The following TRDN variants were observed in gnomAD, a reference collection of about 807,000 sequenced individuals.
The protein encoded by TRDN is triadin in skeletal muscle.
A neutral mutation model predicts 149.7 loss-of-function variants in TRDN; 161 were observed. The ratio of observed to expected loss-of-function variants is 1.08; its 90% confidence interval spans 0.95 to 1.23. The LOEUF (loss-of-function observed/expected upper bound fraction) is 1.23. TRDN is among the 50% of genes most tolerant of loss of function. The probability of loss-of-function intolerance (pLI) is 0.00; values close to 1 mark genes in which losing one functional copy is unlikely to be tolerated. For synonymous variants in TRDN, 294 were observed against 250.5 expected (o/e 1.17, Z -1.64); for missense variants, 896 against 823.5 (o/e 1.09, Z -1.08).
chr6:123,218,434 T>C lies in TRDN; in HGVS notation c.*167A>G. ...GACTTAGACCCTTAAACATGTCTGC[T>C]CATCACTCAATCCATTTGGCCACCC... On this transcript the variant is annotated 3_prime_UTR_variant, in exon 41 of 41. Transcript: ENST00000334268. 1.5e-6 allele frequency: 1 copy of C among 677,862 alleles called. No individual in the cohort carries two copies. Among genetic ancestry groups the C allele is most frequent in the South Asian group, 2.0e-5 (1 of 49,458 alleles). The allele number at this position is 677,862 out of a possible 1,614,324, so 42.0% of individuals were successfully genotyped here.
At position 123,377,687 on chromosome 6, in the gene TRDN, C is replaced by T. The variant is rs61396186; in HGVS notation, c.1246+29G>A. The T allele has an allele frequency of 2.8e-4, 447 of 1,612,498 alleles. No individual in the cohort carries two copies. In the African/African-American group the frequency reaches 4.9e-3, roughly 18 times the overall value. ...TTAATAAACACTGGACATGAGTATT[C>T]GGAATCCAGCAACAGTGGTCTTACT... On this transcript the variant is annotated intron_variant, in intron 18 of 40. Transcript: ENST00000334268.
At position 123,628,674 on chromosome 6, in the gene TRDN, T is replaced by C. The variant is rs192679352; in HGVS notation, c.22+8080A>G. On this transcript the variant is annotated intron_variant, in intron 1 of 40. Transcript: ENST00000334268. Reference sequence around the variant, plus strand: ...AAAGAGACATGGCTGCAATTCAAATTGGAATCAAATGTTTTATAATCTGTC... The same window carrying C: ...AAAGAGACATGGCTGCAATTCAAATCGGAATCAAATGTTTTATAATCTGTC... Among the ~76,000 whole-genome samples the C allele has an allele frequency of 1.2e-3, 183 of 152,270 alleles. 2 individuals are homozygous for C. In the East Asian group the frequency reaches 0.03, roughly 25 times the overall value.
chr6:123,571,075 G>T lies in TRDN; in HGVS notation c.80C>A (p.Ser27Tyr). ...TGTCCTCTTCAGCACTTTTCCGGGG[G>T]ATTTGGGCACAGATCCATTTTTGCT... ...IDSKNGSVPK[S>Y]PGKVLKRTVT... The change falls in exon 2 of 41, where the codon TCC (serine) becomes TAC (tyrosine). Residue 27 changes from serine (S) to tyrosine (Y), a missense_variant. By Grantham distance (144) the Ser-to-Tyr change is moderately radical (BLOSUM62 -2). Coordinates refer to ENST00000334268, the MANE Select transcript of TRDN (RefSeq NM_006073.4). The T allele has an allele frequency of 6.2e-7, 1 of 1,613,980 alleles. No individual in the cohort carries two copies. The highest frequency in any genetic ancestry group is 8.5e-7 in the Non-Finnish European group (1 of 1,179,872).
In TRDN at chr6:123,356,522, T is replaced by TATATATATAC. The variant is rs1554227693; in HGVS notation, c.1322-3937_1322-3936insGTATATATAT. ...AGAAGTTTATATATATATATATATA[T>TATATATATAC]ATATATATATATATATATATATATA... On this transcript the variant is annotated intron_variant, in intron 20 of 40. Coordinates refer to ENST00000334268, the MANE Select transcript of TRDN (RefSeq NM_006073.4). Among the ~76,000 whole-genome samples, 57 of 72,340 alleles carry TATATATATAC rather than the reference T, an allele frequency of 7.9e-4. 1 individual carries two copies. The South Asian group carries it at 0.044, about 55-fold the overall frequency. 47.5% of individuals were successfully genotyped at this position (72,340 alleles called of 152,430 possible).
chr6:123,527,099 T>G (rs979068240), intron 5 of TRDN, among the ~76,000 whole-genome samples: 3 of 152,156 alleles, frequency 2.0e-5, no homozygotes, highest in African/African-American at 7.2e-5. Flanking sequence ...ATTTGGATTC[T>G]AACCCAGATA....
At chr6:123,514,128 GC>G (rs1364798909) in intron 6 of TRDN, among the ~76,000 whole-genome samples, 1 of 152,158 alleles carries the variant, frequency 6.6e-6, no homozygotes, top group Non-Finnish European at 1.5e-5. Context: ...ACTTTGGGAG[GC>G]TGAGGTGAGC....
At chr6:123,512,411 A>G in intron 6 of TRDN, 49 bp from the exon 7 acceptor site, 1 of 1,157,854 alleles carries the variant, frequency 8.6e-7, no homozygotes, top group Non-Finnish European at 1.2e-6. Context: ...AGATTTCAAA[A>G]CCAAGCTTTC....
At chr6:123,220,525 C>T (rs969577574) in intron 40 of TRDN, among the ~76,000 whole-genome samples, 4 of 151,606 alleles carry the variant, frequency 2.6e-5, no homozygotes, top group African/African-American at 9.7e-5. Context: ...TCATAAGACT[C>T]TGCTTATTTC....
intron 1 of TRDN, among the ~76,000 whole-genome samples, chr6:123,574,572 G>A (rs974626690): frequency 6.6e-6 from 1 of 151,780 alleles, no homozygotes; most frequent in African/African-American, 2.4e-5. Context: ...TGAGTGTTTA[G>A]GACTGGCCCA....
intron 2 of TRDN, among the ~76,000 whole-genome samples, chr6:123,566,672 A>G (rs62419184): frequency 0.015 from 2,260 of 152,300 alleles, 27 homozygotes; most frequent in South Asian, 0.048. Context: ...AATACTAACA[A>G]TTATATATTT....
At chr6:123,302,217 ACT>A (rs1487623881) in intron 24 of TRDN, among the ~76,000 whole-genome samples, 1 of 151,878 alleles carries the variant, frequency 6.6e-6, no homozygotes, top group Non-Finnish European at 1.5e-5. Flanking sequence ...AGCCAAAGAG[ACT>A]CTGGTGACTG....
At chr6:123,515,691 G>A (rs1562358771) in intron 6 of TRDN, among the ~76,000 whole-genome samples, 1 of 152,026 alleles carries the variant, frequency 6.6e-6, no homozygotes, top group Non-Finnish European at 1.5e-5. Context: ...AAGGTGAGAG[G>A]AAGGTTTTCA....
At chr6:123,541,900 C>T (rs1466741720) in intron 4 of TRDN, among the ~76,000 whole-genome samples, 1 of 152,134 alleles carries the variant, frequency 6.6e-6, no homozygotes, top group African/African-American at 2.4e-5. Context: ...TACGTCTATC[C>T]ATCTTACTCC....
intron 8 of TRDN, among the ~76,000 whole-genome samples, chr6:123,499,577 A>G (rs1431648653): frequency 6.7e-6 from 1 of 149,868 alleles, no homozygotes; most frequent in East Asian, 2.0e-4. Context: ...GGTGGAGGGC[A>G]CCTGTAATCC....
intron 4 of TRDN, among the ~76,000 whole-genome samples, chr6:123,534,287 A>C (rs1001269275): frequency 2.0e-5 from 3 of 152,206 alleles, no homozygotes; most frequent in Non-Finnish European, 4.4e-5. Flanking sequence ...ACACACCTAC[A>C]TTTATTTGCT....
intron 24 of TRDN, among the ~76,000 whole-genome samples, chr6:123,294,719 T>C (rs182617238): frequency 1.3e-5 from 2 of 152,208 alleles, no homozygotes; most frequent in East Asian, 3.9e-4. Flanking sequence ...CACAGACTAA[T>C]AACAGTCAAT....
rs10678221 is a variant in TRDN at position 123,542,859 on chromosome 6, CGTGTGT to C, written c.424+4475_424+4480del. Among the ~76,000 whole-genome samples, 415 of 147,090 alleles carry C rather than the reference CGTGTGT, an allele frequency of 2.8e-3. 1 individual carries two copies. The highest frequency in any genetic ancestry group is 9.6e-3 in the African/African-American group (386 of 40,178). On this transcript the variant is annotated intron_variant, in intron 4 of 40. Transcript: ENST00000334268. The stretch of plus-strand genomic sequence containing the variant: ...TTCTCTCTGAGTGTGTGCATGTTTG[CGTGTGT>C]GTGTGTGTGTGTGTGTGTGTGTCTG...
intron 23 of TRDN, among the ~76,000 whole-genome samples, chr6:123,329,479 T>C (rs1477122348): frequency 6.6e-6 from 1 of 152,156 alleles, no homozygotes; most frequent in Non-Finnish European, 1.5e-5. Context: ...TGTTCCAATA[T>C]GTGTGAGATG....
chr6:123,314,886 A>G (rs1778967690), intron 24 of TRDN, among the ~76,000 whole-genome samples: 1 of 151,972 alleles, frequency 6.6e-6, no homozygotes, highest in Non-Finnish European at 1.5e-5. Flanking sequence ...AAAAATAACT[A>G]ATGGATATTA....
Sources: gnomAD v4.1 joint callset for allele counts (sites outside exome capture counted in the v4.1 genomes callset) on GRCh38, gnomAD v4.1.1 for gene constraint, MANE v1.5 for transcripts, NCBI Gene and HGNC (gene_info 2026-07-23, HGNC 2026-07-21) for gene names.